The following FDX1 variants were observed in gnomAD, a reference collection of about 807,000 sequenced individuals.
FDX1 encodes the protein adrenodoxin, mitochondrial.
Under a neutral mutation model 14.9 loss-of-function variants are expected in FDX1, and 9 were observed. That is an observed-to-expected ratio of 0.60 (90% CI 0.36 to 1.05). The LOEUF (loss-of-function observed/expected upper bound fraction) is 1.05. Among genes scored for constraint, FDX1 ranks in the 50% least tolerant of loss-of-function variants. The probability of loss-of-function intolerance (pLI) is 0.01; values close to 1 mark genes in which losing one functional copy is unlikely to be tolerated. For synonymous variants in FDX1, 92 were observed against 99.4 expected, an observed-to-expected ratio of 0.93 and a Z score of 0.44; for missense variants, 204 against 237.2, an observed-to-expected ratio of 0.86 and a Z score of 0.92.
intron 2 of FDX1, among the ~76,000 whole-genome samples, chr11:110,445,004 G>GT (rs1302162159): frequency 2.0e-5 from 3 of 151,640 alleles, no homozygotes; most frequent in East Asian, 3.9e-4. Flanking sequence ...TTTTAGAATA[G>GT]TTTTTTTATA....
intron 2 of FDX1, among the ~76,000 whole-genome samples, chr11:110,452,818 A>T (rs1946495320): frequency 6.6e-6 from 1 of 152,216 alleles, no homozygotes; most frequent in Admixed American, 6.5e-5. Context: ...TGTTGAGTGA[A>T]AGAAGCCAGT....
At chr11:110,432,654 A>G (rs1946339342) in intron 1 of FDX1, among the ~76,000 whole-genome samples, 2 of 152,100 alleles carry the variant, frequency 1.3e-5, no homozygotes, top group Non-Finnish European at 2.9e-5. Flanking sequence ...GTTTTAGTAG[A>G]GATGAGATTT....
chr11:110,430,633 C>G (rs556339203), intron 1 of FDX1, among the ~76,000 whole-genome samples: 1 of 152,340 alleles, frequency 6.6e-6, no homozygotes, highest in East Asian at 1.9e-4. Flanking sequence ...TGCTTGTTCT[C>G]CGTGTGATTT....
At chr11:110,454,304 G>C (rs745517536) in intron 2 of FDX1, among the ~76,000 whole-genome samples, 5 of 152,170 alleles carry the variant, frequency 3.3e-5, no homozygotes, top group Admixed American at 6.5e-5. Context: ...CTAGGGAAGA[G>C]GGGGAGAATT....
At chr11:110,430,398 C>T (rs1461664438) in intron 1 of FDX1, 93 bp downstream of exon 1, 2 of 887,722 alleles carry the variant, frequency 2.3e-6, no homozygotes, top group South Asian at 5.6e-5. Context: ...GTTCCAGTGC[C>T]TTCTGCGCGC....
intron 2 of FDX1, among the ~76,000 whole-genome samples, chr11:110,455,320 T>C (rs1039207998): frequency 1.3e-5 from 2 of 151,678 alleles, no homozygotes; most frequent in Admixed American, 6.6e-5. Flanking sequence ...TTCCTTACGG[T>C]AAAATATAAA....
At position 110,431,019 on chromosome 11, in the gene FDX1, A is replaced by G. The variant is rs992194648; in HGVS notation, c.185+714A>G. Among the ~76,000 whole-genome samples, 3 of 152,064 alleles carry G rather than the reference A, an allele frequency of 2.0e-5. No homozygotes were observed. In the East Asian group the frequency reaches 5.8e-4, roughly 29 times the overall value. On this transcript the variant is annotated intron_variant, in intron 1 of 3. Transcript: ENST00000260270. ...TAACAGTGTAGACCTCCTATGGTTA[A>G]TTGAAGAATCAATGAGTTAATACAG...
At chr11:110,434,145 A>G (rs976426543) in intron 1 of FDX1, among the ~76,000 whole-genome samples, 1 of 152,172 alleles carries the variant, frequency 6.6e-6, no homozygotes, top group African/African-American at 2.4e-5. Context: ...TAGTTAACAT[A>G]CTATCTTAAA....
At chr11:110,429,671 G>GTTT (rs201426735), upstream of FDX1, among the ~76,000 whole-genome samples, 1 of 149,632 alleles carries the variant, frequency 6.7e-6, no homozygotes, top group African/African-American at 2.4e-5. Flanking sequence ...CAATTTCCCA[G>GTTT]TTTTTTTTTT....
At chr11:110,441,717 T>C (rs2083769) in intron 2 of FDX1, among the ~76,000 whole-genome samples, 71,591 of 151,892 alleles carry the variant, frequency 0.47, 17,261 homozygotes, top group East Asian at 0.63. Context: ...AGCCTGACAA[T>C]GTGATAGAAA....
At chr11:110,440,301 TCTG>T (rs1946397499) in intron 2 of FDX1, among the ~76,000 whole-genome samples, 1 of 152,182 alleles carries the variant, frequency 6.6e-6, no homozygotes, top group African/African-American at 2.4e-5. Context: ...TGTTATTTCT[TCTG>T]CTAGCTTTGG....
At chr11:110,444,706 GTA>G (rs1196710627) in intron 2 of FDX1, among the ~76,000 whole-genome samples, 921 of 30,826 alleles carry the variant, frequency 0.03, 39 homozygotes, top group South Asian at 0.043. Context: ...ATATATATAC[GTA>G]TATATATATA....
intron 1 of FDX1, among the ~76,000 whole-genome samples, chr11:110,434,725 G>GTTTTTTTTTTTTTTTTTTTTTTTTTTT (rs56907322): frequency 9.5e-6 from 1 of 105,704 alleles, no homozygotes; most frequent in Non-Finnish European, 1.9e-5. Flanking sequence ...GACTTTTTTT[G>GTTTTTTTTTTTTTTTTTTTTTTTTTTT]TTTTTTTTTT....
intron 2 of FDX1, among the ~76,000 whole-genome samples, chr11:110,454,087 T>C (rs1164531012): frequency 6.6e-6 from 1 of 152,202 alleles, no homozygotes; most frequent in African/African-American, 2.4e-5. Flanking sequence ...GAATGTATAA[T>C]GGGAACTTAG....
intron 3 of FDX1, among the ~76,000 whole-genome samples, chr11:110,461,496 TAAAA>T (rs59467093): frequency 1.0e-4 from 11 of 106,354 alleles, no homozygotes; most frequent in Admixed American, 3.2e-4. Flanking sequence ...GACCCTGTCT[TAAAA>T]AAAAAAAAAA....
chr11:110,461,914 G>C (rs1946559156), intron 3 of FDX1, among the ~76,000 whole-genome samples: 1 of 152,160 alleles, frequency 6.6e-6, no homozygotes, highest in Non-Finnish European at 1.5e-5. Context: ...ATTTATTCCA[G>C]ATTTCTTCTT....
At chr11:110,444,724 G>GTGTATATATATATATACGTA (rs1491187893) in intron 2 of FDX1, among the ~76,000 whole-genome samples, 2 of 27,428 alleles carry the variant, frequency 7.3e-5, no homozygotes, top group African/African-American at 4.1e-4. Context: ...ATATATATAC[G>GTGTATATATATATATACGTA]TATATATATA....
chr11:110,436,022 TGG>T, intron 2 of FDX1, 64 bp downstream of exon 2: 1 of 1,469,304 alleles, frequency 6.8e-7, no homozygotes, highest in Non-Finnish European at 9.2e-7. Flanking sequence ...TTTTATTTTG[TGG>T]TTTTTTTTTT....
At chr11:110,431,541 AG>A (rs983012463) in intron 1 of FDX1, among the ~76,000 whole-genome samples, 1 of 152,194 alleles carries the variant, frequency 6.6e-6, no homozygotes, top group African/African-American at 2.4e-5. Flanking sequence ...ATCAGGGAGA[AG>A]GCAAGCCAGA....
Sources: gnomAD v4.1 joint callset for allele counts (sites outside exome capture counted in the v4.1 genomes callset) on GRCh38, gnomAD v4.1.1 for gene constraint, MANE v1.5 for transcripts, NCBI Gene and HGNC (gene_info 2026-07-23, HGNC 2026-07-21) for gene names.